GAS6: variants seen among roughly 807,000 people sequenced by gnomAD.
GAS6 encodes growth arrest-specific protein 6.
In GAS6, 41 loss-of-function variants were observed where a neutral mutation model predicts 75.8. The ratio of observed to expected loss-of-function variants is 0.54; its 90% CI spans 0.42 to 0.70. The LOEUF (loss-of-function observed/expected upper bound fraction) is 0.70, where lower values mean the gene tolerates loss of function less well. Among genes scored for constraint, GAS6 ranks in the 30% least tolerant of loss-of-function variants. GAS6 has a pLI of 0.00. For synonymous variants in GAS6, 432 were observed against 412.6 expected (o/e 1.05, Z -0.57); for missense variants, 854 against 940.2 (o/e 0.91, Z 1.20).
intron 2 of GAS6, among the ~76,000 whole-genome samples, chr13:113,856,307 C>G (rs1328116408): frequency 6.6e-6 from 1 of 152,186 alleles, no homozygotes; most frequent in African/African-American, 2.4e-5. Context: ...GTCCTGCTCT[C>G]CCCCAGTCCC....
At chr13:113,851,400 T>C (rs1488339323) in intron 2 of GAS6, among the ~76,000 whole-genome samples, 2 of 150,068 alleles carry the variant, frequency 1.3e-5, no homozygotes, top group Non-Finnish European at 3.0e-5. Flanking sequence ...AGTGAGTACA[T>C]GAATGGATGA....
At chr13:113,857,364 A>C (rs2138664964) in intron 2 of GAS6, among the ~76,000 whole-genome samples, 1 of 152,338 alleles carries the variant, frequency 6.6e-6, no homozygotes, top group Middle Eastern at 3.4e-3. Context: ...ATTTATTTTA[A>C]AACTTTTAAA....
In GAS6 at chr13:113,820,632, T is replaced by A; in HGVS notation, c.*232A>T. 1 of 499,014 alleles carries A rather than the reference T, an allele frequency of 2.0e-6. No individual in the cohort carries two copies. Among genetic ancestry groups the A allele is most frequent in the Non-Finnish European group, 3.6e-6 (1 of 280,304 alleles). The allele number at this position is 499,014 out of a possible 1,614,324, so 30.9% of individuals were successfully genotyped here. A position where few individuals can be genotyped will look rare whatever the true frequency, so the allele number is the denominator to read the frequency against. ...TGGTAATAAAAATAATAGAGAATTA[T>A]TTTCTTCGAGCCCGCTCTGCGCTGC... On this transcript the variant is annotated 3_prime_UTR_variant, in exon 15 of 15. Coordinates refer to ENST00000327773, the MANE Select transcript of GAS6 (RefSeq NM_000820.4).
In GAS6 at chr13:113,832,624, A is replaced by C. The variant is rs1594195196; in HGVS notation, c.953+10T>G. 6.2e-7 allele frequency: 1 copy of C among 1,612,246 alleles called. No individual in the cohort carries two copies. The highest frequency in any genetic ancestry group is 8.5e-7 in the Non-Finnish European group (1 of 1,179,866). On this transcript the variant is annotated intron_variant, in intron 9 of 14. Coordinates refer to ENST00000327773, the MANE Select transcript of GAS6 (RefSeq NM_000820.4). ...CTAAGTTGTGTTGCCTCCTGTGGAC[A>C]CCTCCTCACCTGGTGGGCTGCAGCC... is the stretch of plus-strand genomic sequence containing the variant.
intron 2 of GAS6, among the ~76,000 whole-genome samples, chr13:113,856,286 G>A (rs2051913619): frequency 6.6e-6 from 1 of 152,200 alleles, no homozygotes; most frequent in South Asian, 2.1e-4. Flanking sequence ...TGGGGCCGGG[G>A]GTGCTGCCGC....
intron 14 of GAS6, 196 bp downstream of exon 14, chr13:113,821,762 G>T: frequency 1.8e-6 from 1 of 553,470 alleles, no homozygotes; most frequent in Admixed American, 3.5e-5. Context: ...CTCAGTCTCA[G>T]CCAATGACCT....
intron 2 of GAS6, among the ~76,000 whole-genome samples, chr13:113,861,654 C>T (rs1241131323): frequency 6.6e-6 from 1 of 152,152 alleles, no homozygotes; most frequent in Non-Finnish European, 1.5e-5. Flanking sequence ...AGGGGTGGGC[C>T]TGGTGTGCTG....
chr13:113,858,623 GTA>G (rs1397986924), intron 2 of GAS6, among the ~76,000 whole-genome samples: 1 of 140,038 alleles, frequency 7.1e-6, no homozygotes, highest in African/African-American at 3.0e-5. Flanking sequence ...GTGTGCCTAT[GTA>G]TGCATGTCTG....
intron 8 of GAS6, among the ~76,000 whole-genome samples, chr13:113,833,956 T>C (rs1184521923): frequency 2.3e-5 from 3 of 130,354 alleles, no homozygotes; most frequent in African/African-American, 9.2e-5. Flanking sequence ...GTGTGACAGG[T>C]AGGTCATGCT....
Position 113,827,072 on chromosome 13 carries a change from C to T in GAS6, c.1401G>A (p.Arg467=). 1 of 1,613,642 alleles carries T rather than the reference C, an allele frequency of 6.2e-7. No individual in the cohort carries two copies. Among genetic ancestry groups the T allele is most frequent in the Non-Finnish European group, 8.5e-7 (1 of 1,179,982 alleles). ...TCTCCGTCACCGAGAAGCACTGCAT[C>T]CTCGTGTTCACTTTCACCGTTTCCT... is the stretch of plus-strand genomic sequence containing the variant. ...TIQETVKVNT[R]MQCFSVTERG... is the part of the protein sequence containing the mutation. Residue 467 remains arginine, a synonymous_variant, in exon 12 of 15, where the codon AGG becomes AGA. Coordinates refer to ENST00000327773, the MANE Select transcript of GAS6 (RefSeq NM_000820.4).
At position 113,828,717 on chromosome 13, in the gene GAS6, G is replaced by C. The variant is rs1224995218; in HGVS notation, c.1144-6C>G. On this transcript the variant is annotated splice_polypyrimidine_tract_variant and splice_region_variant and intron_variant, in intron 10 of 14. Transcript: ENST00000327773. Reference sequence around the variant, plus strand: ...GCCAGCTCCTCAACAGAGATCTGAAGAGAGGCAGCGCCATGAGAAAAGATG... The same window carrying C: ...GCCAGCTCCTCAACAGAGATCTGAACAGAGGCAGCGCCATGAGAAAAGATG... 6.2e-7 allele frequency: 1 copy of C among 1,612,298 alleles called. No homozygotes were observed. Among genetic ancestry groups the C allele is most frequent in the African/African-American group, 1.3e-5 (1 of 75,054 alleles).
intron 2 of GAS6, among the ~76,000 whole-genome samples, chr13:113,853,853 T>C (rs1242848944): frequency 6.6e-6 from 1 of 152,232 alleles, no homozygotes; most frequent in Admixed American, 6.5e-5. Context: ...GCTCTATTCA[T>C]GTTCTTCTAG....
intron 2 of GAS6, among the ~76,000 whole-genome samples, chr13:113,858,767 C>T (rs1406064559): frequency 6.9e-6 from 1 of 145,210 alleles, no homozygotes; most frequent in Non-Finnish European, 1.5e-5. Flanking sequence ...GTGTGCGTGT[C>T]ATTATGCATG....
Position 113,848,023 on chromosome 13 carries a change from T to C in GAS6, c.280+3A>G. On this transcript the variant is annotated splice_donor_region_variant and intron_variant, in intron 3 of 14. Coordinates refer to ENST00000327773, the MANE Select transcript of GAS6 (RefSeq NM_000820.4). The surrounding 1 kb of genome is among the most constrained non-coding windows in gnomAD (Gnocchi z 4.8). ...CCAGAGTAGAGAAGTAATTGAGACTTACCTAAGTATCTTGGGTAAAAATAA... is the reference window on the plus strand; with the variant it reads ...CCAGAGTAGAGAAGTAATTGAGACTCACCTAAGTATCTTGGGTAAAAATAA... 2.5e-6 allele frequency: 4 copies of C among 1,612,576 alleles called. 1 individual carries two copies. The highest frequency in any genetic ancestry group is 4.5e-5 in the East Asian group (2 of 44,850).
At chr13:113,839,879 T>C (rs750997105) in intron 4 of GAS6, 29 bp from the exon 5 acceptor site, 6 of 1,613,082 alleles carry the variant, frequency 3.7e-6, no homozygotes, top group Non-Finnish European at 1.7e-6. Context: ...TGGAAAATCA[T>C]GTTCAGCTGC....
chr13:113,831,689 CAG>C (rs2051632079), intron 10 of GAS6, among the ~76,000 whole-genome samples: 1 of 152,130 alleles, frequency 6.6e-6, no homozygotes, highest in African/African-American at 2.4e-5. Flanking sequence ...GATGAAATAG[CAG>C]AGAGGCCTAG....
In GAS6 at chr13:113,855,111, G is replaced by A. The variant is rs570052076; in HGVS notation, c.256-7061C>T. ...TATAAAACAGCAAAATAAAATAGTC[G>A]TGGGCACAGGGCCAGTGATTCTGCA... is the stretch of plus-strand genomic sequence containing the variant. On this transcript the variant is annotated intron_variant, in intron 2 of 14. Coordinates refer to ENST00000327773, the MANE Select transcript of GAS6 (RefSeq NM_000820.4). Among the ~76,000 whole-genome samples the A allele has an allele frequency of 1.1e-4, 16 of 152,350 alleles. No individual in the cohort carries two copies. The South Asian group carries it at 2.9e-3, about 28-fold the overall frequency.
At position 113,835,314 on chromosome 13, in the gene GAS6, G is replaced by A. The variant is rs202146241; in HGVS notation, c.712+199C>T. Reference sequence around the variant, plus strand: ...TGCGGTTCGTTCATGTGCACAAGGGGCATGGGTGCCTGTGTGTGCTCACGT... The same window carrying A: ...TGCGGTTCGTTCATGTGCACAAGGGACATGGGTGCCTGTGTGTGCTCACGT... On this transcript the variant is annotated intron_variant, in intron 7 of 14. Transcript: ENST00000327773. Among the ~76,000 whole-genome samples, 3 of 152,230 alleles carry A rather than the reference G, an allele frequency of 2.0e-5. No individual in the cohort carries two copies. The East Asian group carries it at 5.8e-4, about 29-fold the overall frequency.
chr13:113,822,298 G>A (rs1021197379), intron 13 of GAS6, 112 bp from the exon 14 acceptor site: 38 of 800,552 alleles, frequency 4.7e-5, no homozygotes, highest in Non-Finnish European at 6.5e-5. Context: ...GCCTGTCTCC[G>A]TCCAGGGTTC....
Sources: gnomAD v4.1 joint callset for allele counts (sites outside exome capture counted in the v4.1 genomes callset) on GRCh38, gnomAD v4.1.1 for gene constraint, Gnocchi (gnomAD v3.1) non-coding constraint, MANE v1.5 for transcripts, NCBI Gene and HGNC (gene_info 2026-07-23, HGNC 2026-07-21) for gene names.